Variants in KCNAB2 observed in about 807,000 individuals in gnomAD.
The protein encoded by KCNAB2 is potassium voltage-gated channel subfamily A regulatory beta subunit 2.
Under a neutral mutation model 63.6 loss-of-function variants are expected in KCNAB2, and 29 were observed. The observed-to-expected ratio is 0.46, with a 90% CI of 0.34 to 0.62. KCNAB2 has a LOEUF of 0.62. KCNAB2 is among the 20% of genes least tolerant of loss of function. The probability of loss-of-function intolerance (pLI) is 0.01; values close to 1 mark genes in which losing one functional copy is unlikely to be tolerated. For missense variants in KCNAB2, 359 were observed against 563.9 expected, an observed-to-expected ratio of 0.64 and a Z score of 3.68; for synonymous variants, 222 against 224.2, an observed-to-expected ratio of 0.99 and a Z score of 0.09.
rs544735971 is a variant in KCNAB2, at chr1:6,099,881, A to G, written c.*1307A>G. ...GACGCCCCCGTGCAGCTTGGGCCGG[A>G]GGGCAAGGGATGCCAGTAAGTCTGC... On this transcript the variant is annotated 3_prime_UTR_variant, in exon 16 of 16. Transcript: ENST00000378083. 2 of 1,550,096 alleles carry G rather than the reference A, an allele frequency of 1.3e-6. No individual in the cohort carries two copies. Among genetic ancestry groups the G allele is most frequent in the Admixed American group, 3.9e-5 (2 of 50,970 alleles).
chr1:6,093,640 C>G (rs1222072045), intron 10 of KCNAB2, among the ~76,000 whole-genome samples: 1 of 152,222 alleles, frequency 6.6e-6, no homozygotes, highest in African/African-American at 2.4e-5. Flanking sequence ...CTGTCCTACT[C>G]CAGGCCCTGG....
At chr1:5,999,113 G>T (rs1463520331) in intron 1 of KCNAB2, among the ~76,000 whole-genome samples, 1 of 152,266 alleles carries the variant, frequency 6.6e-6, no homozygotes, top group African/African-American at 2.4e-5. Context: ...CTGCCTTAAT[G>T]GGGGGCATTT....
intron 2 of KCNAB2, among the ~76,000 whole-genome samples, chr1:6,058,453 C>T (rs1470487951): frequency 1.3e-5 from 2 of 152,296 alleles, no homozygotes; most frequent in African/African-American, 4.8e-5. Flanking sequence ...CTCCATGACT[C>T]GATTTCCTTA....
At chr1:6,010,615 G>A (rs1367813327) in intron 1 of KCNAB2, among the ~76,000 whole-genome samples, 2 of 152,194 alleles carry the variant, frequency 1.3e-5, no homozygotes, top group Non-Finnish European at 2.9e-5. Flanking sequence ...GTCACCCCCA[G>A]TTCCTTTAGT....
Position 6,051,523 on chromosome 1 carries a change from A to T in KCNAB2, c.-14A>T, listed in dbSNP as rs998854387. ...ACCGTCTGGACAGTGGCAGCTCCCA[A>T]GCCAGGCGGCACCATGCTGTCCATG... On this transcript the variant is annotated 5_prime_UTR_variant, in exon 2 of 16. In the 5' UTR this introduces an upstream ATG that the reference lacks. Transcript: ENST00000378083. 2.7e-6 allele frequency: 4 copies of T among 1,506,584 alleles called. No homozygotes were observed. The highest frequency in any genetic ancestry group is 3.6e-6 in the Non-Finnish European group (4 of 1,126,296). The allele number at this position is 1,506,584 out of a possible 1,614,324, so 93.3% of individuals were successfully genotyped here.
chr1:6,042,742 G>A (rs1660595027), upstream of KCNAB2, among the ~76,000 whole-genome samples: 1 of 152,062 alleles, frequency 6.6e-6, no homozygotes, highest in Non-Finnish European at 1.5e-5. Flanking sequence ...CGGACATCTG[G>A]TAACAGTGCT....
intron 1 of KCNAB2, chr1:6,025,949 AGCCGATCCCGGCACAC>A (rs1659140056): frequency 1.6e-5 from 2 of 124,434 alleles, no homozygotes; most frequent in African/African-American, 5.9e-5. Context: ...CCCGGCACAC[AGCCGATCCCGGCACAC>A]AGCCGATCCC....
In KCNAB2 at chr1:6,096,763, G is replaced by T. The variant is rs1394488596; in HGVS notation, c.1069+7G>T. 6.4e-7 allele frequency: 1 copy of T among 1,567,324 alleles called. No individual in the cohort carries two copies. Among genetic ancestry groups the T allele is most frequent in the Non-Finnish European group, 8.7e-7 (1 of 1,154,870 alleles). ...CTGCCCCAGCTGGCCATAGGTAACGGTGGGGTCGCCATGGGGCCAGTGCCC... is the reference window on the plus strand; with the variant it reads ...CTGCCCCAGCTGGCCATAGGTAACGTTGGGGTCGCCATGGGGCCAGTGCCC... On this transcript the variant is annotated splice_region_variant and intron_variant, in intron 14 of 15. Transcript: ENST00000378083. This position sits in a 1 kb window ranked among gnomAD's most constrained non-coding sequence, Gnocchi z 5.9.
At chr1:6,059,846 G>A (rs1004268964) in intron 2 of KCNAB2, among the ~76,000 whole-genome samples, 15 of 152,212 alleles carry the variant, frequency 9.9e-5, no homozygotes, top group African/African-American at 2.6e-4. Context: ...TTTGCAGACC[G>A]TGCAAAGCCG....
chr1:6,047,357 G>T (rs918411711), intron 1 of KCNAB2, among the ~76,000 whole-genome samples: 2 of 152,268 alleles, frequency 1.3e-5, no homozygotes, highest in Non-Finnish European at 2.9e-5. Flanking sequence ...GTGTGAGGGA[G>T]TCCAGAGGTG....
intron 1 of KCNAB2, among the ~76,000 whole-genome samples, chr1:6,005,543 TC>T (rs1395587449): frequency 1.3e-5 from 2 of 149,360 alleles, no homozygotes; most frequent in African/African-American, 5.1e-5. Context: ...CGACTGAGGG[TC>T]CCCCCTACCC....
intron 1 of KCNAB2, among the ~76,000 whole-genome samples, chr1:6,048,058 A>G (rs2100510485): frequency 6.6e-6 from 1 of 152,240 alleles, no homozygotes; most frequent in East Asian, 1.9e-4. Context: ...CACAAAACCC[A>G]TTCTGTCCTG....
intron 1 of KCNAB2, among the ~76,000 whole-genome samples, chr1:6,039,195 A>G (rs1446611734): frequency 6.6e-6 from 1 of 152,168 alleles, no homozygotes; most frequent in Non-Finnish European, 1.5e-5. Context: ...CCGCAAGCGC[A>G]AGCATCCGCA....
At chr1:6,044,681 G>A (rs536479621), upstream of KCNAB2, among the ~76,000 whole-genome samples, 19 of 152,314 alleles carry the variant, frequency 1.2e-4, no homozygotes, top group South Asian at 3.3e-3. Flanking sequence ...GCAGGGGTCA[G>A]AGATCTGCTC....
intron 4 of KCNAB2, among the ~76,000 whole-genome samples, chr1:6,080,340 A>G (rs910020802): frequency 6.6e-6 from 1 of 152,058 alleles, no homozygotes; most frequent in Non-Finnish European, 1.5e-5. Context: ...AGGTGGGGAG[A>G]GATTCCTGGG....
upstream of KCNAB2, among the ~76,000 whole-genome samples, chr1:6,044,252 T>G (rs989605496): frequency 6.6e-6 from 1 of 152,134 alleles, no homozygotes; most frequent in Non-Finnish European, 1.5e-5. Context: ...GGAGCAATAC[T>G]TCCATGTACC....
At chr1:6,055,477 T>A (rs962609727) in intron 2 of KCNAB2, among the ~76,000 whole-genome samples, 6 of 149,326 alleles carry the variant, frequency 4.0e-5, no homozygotes, top group Admixed American at 2.0e-4. Context: ...TGCCTCAGCC[T>A]CCCAAGTAGC....
intron 15 of KCNAB2, chr1:6,098,249 A>G: frequency 2.3e-6 from 3 of 1,323,228 alleles, no homozygotes; most frequent in Non-Finnish European, 2.9e-6. Flanking sequence ...GGAAGGTTCT[A>G]GGGCACCTTG....
chr1:6,091,213 T>G (rs762298911), intron 9 of KCNAB2, 50 bp from the exon 10 acceptor site: 1 of 1,383,702 alleles, frequency 7.2e-7, no homozygotes, highest in African/African-American at 1.4e-5. Context: ...CGCCTCTCAG[T>G]GCTCCCAGCT....
Sources: gnomAD v4.1 joint callset for allele counts (sites outside exome capture counted in the v4.1 genomes callset) on GRCh38, gnomAD v4.1.1 for gene constraint, Gnocchi (gnomAD v3.1) non-coding constraint, MANE v1.5 for transcripts, NCBI Gene and HGNC (gene_info 2026-07-23, HGNC 2026-07-21) for gene names.